Variants in DIAPH3 observed in about 807,000 individuals in gnomAD.
The protein encoded by DIAPH3 is diaphanous related formin 3.
In DIAPH3, 117 loss-of-function variants were observed where a neutral mutation model predicts 144.3. The observed-to-expected ratio is 0.81, with a 90% confidence interval of 0.70 to 0.95. DIAPH3 has a LOEUF of 0.95. Among genes scored for constraint, DIAPH3 ranks in the 40% least tolerant of loss-of-function variants. DIAPH3 has a pLI of 0.00. For synonymous variants in DIAPH3, 519 were observed against 488.9 expected (o/e 1.06, Z -0.81); for missense variants, 1,421 against 1,412.7 (o/e 1.01, Z -0.09).
chr13:59,738,350 G>C (rs565842069), intron 27 of DIAPH3, among the ~76,000 whole-genome samples: 4 of 152,092 alleles, frequency 2.6e-5, no homozygotes, highest in African/African-American at 9.7e-5. Context: ...TGGGGAATGA[G>C]TGGGATCAGG....
chr13:59,783,535 A>G (rs1184547472), intron 25 of DIAPH3, among the ~76,000 whole-genome samples: 1 of 152,248 alleles, frequency 6.6e-6, no homozygotes, highest in Non-Finnish European at 1.5e-5. Flanking sequence ...ACTTAGAAGC[A>G]TAGGTCGTAC....
intron 25 of DIAPH3, among the ~76,000 whole-genome samples, chr13:59,797,576 A>G (rs889063817): frequency 6.6e-6 from 1 of 152,200 alleles, no homozygotes; most frequent in Non-Finnish European, 1.5e-5. Context: ...CAATAACCAA[A>G]TACTGACTAC....
chr13:60,016,200 CATATT>C (rs1451753699), intron 5 of DIAPH3, 55 bp from the exon 6 acceptor site: 14 of 1,456,798 alleles, frequency 9.6e-6, no homozygotes, highest in African/African-American at 1.4e-5. Flanking sequence ...CTTGTGTTAT[CATATT>C]ATATACCTAC....
intron 27 of DIAPH3, among the ~76,000 whole-genome samples, chr13:59,757,113 A>C (rs567230059): frequency 6.6e-6 from 1 of 152,170 alleles, no homozygotes; most frequent in South Asian, 2.1e-4. Flanking sequence ...AATGCAAAAC[A>C]ATAAGACACC....
rs150162572 is a variant in DIAPH3, at chr13:59,940,791, G to A, written c.2075-15921C>T. 3.5e-4 allele frequency among the ~76,000 whole-genome samples: 53 copies of A among 152,232 alleles called. No individual in the cohort carries two copies. The East Asian group carries it at 7.7e-3, about 22-fold the overall frequency. On this transcript the variant is annotated intron_variant, in intron 17 of 27. Transcript: ENST00000400324. ...CCTGGCAAATGAAAATGAGGACTCT[G>A]GACTCTCATTCTTGTGCTGATGCCA...
intron 22 of DIAPH3, among the ~76,000 whole-genome samples, chr13:59,850,897 C>G (rs1433217043): frequency 6.8e-6 from 1 of 147,026 alleles, no homozygotes; most frequent in Non-Finnish European, 1.5e-5. Context: ...GTTTACCAAC[C>G]AAAAAGAGTC....
intron 2 of DIAPH3, among the ~76,000 whole-genome samples, chr13:60,117,847 GTTGT>G (rs1386258418): frequency 1.3e-5 from 2 of 152,052 alleles, no homozygotes; most frequent in Admixed American, 6.6e-5. Flanking sequence ...TTGGCTGGGG[GTTGT>G]TTATGTGTGT....
chr13:59,981,152 C>T (rs985733620), intron 13 of DIAPH3, among the ~76,000 whole-genome samples: 1 of 150,788 alleles, frequency 6.6e-6, no homozygotes, highest in Non-Finnish European at 1.5e-5. Context: ...CCAACTCGTA[C>T]ATATTTTAAA....
At chr13:60,140,412 C>T (rs1243022999) in intron 1 of DIAPH3, among the ~76,000 whole-genome samples, 1 of 152,110 alleles carries the variant, frequency 6.6e-6, no homozygotes, top group African/African-American at 2.4e-5. Flanking sequence ...ATAGCTAGAA[C>T]TGTAATCAGC....
chr13:60,023,170 A>T (rs541698396), intron 5 of DIAPH3, among the ~76,000 whole-genome samples: 4 of 152,178 alleles, frequency 2.6e-5, no homozygotes, highest in Non-Finnish European at 4.4e-5. Flanking sequence ...AATCACCTGC[A>T]CCTGAAGATC....
intron 22 of DIAPH3, among the ~76,000 whole-genome samples, chr13:59,856,441 G>A (rs2043257704): frequency 6.6e-6 from 1 of 152,114 alleles, no homozygotes; most frequent in Non-Finnish European, 1.5e-5. Flanking sequence ...CAAGGTGTTG[G>A]CAGAGTTGGT....
intron 2 of DIAPH3, among the ~76,000 whole-genome samples, chr13:60,119,012 T>C (rs2874873): frequency 0.64 from 96,780 of 152,054 alleles, 31,294 homozygotes; most frequent in Admixed American, 0.72. Flanking sequence ...CCAACTAAAA[T>C]GTAAGTGCCA....
chr13:60,094,996 T>C (rs910736126), intron 3 of DIAPH3, among the ~76,000 whole-genome samples: 4 of 152,038 alleles, frequency 2.6e-5, no homozygotes, highest in African/African-American at 9.7e-5. Context: ...TAATATGACA[T>C]AGGAAGCATT....
At chr13:60,075,976 G>A (rs1475134429) in intron 4 of DIAPH3, among the ~76,000 whole-genome samples, 2 of 152,204 alleles carry the variant, frequency 1.3e-5, no homozygotes, top group Non-Finnish European at 2.9e-5. Context: ...TGTCCCTATT[G>A]GGGGTCACTG....
intron 24 of DIAPH3, among the ~76,000 whole-genome samples, chr13:59,812,266 ATCCATCCAT>A: frequency 6.6e-6 from 1 of 151,046 alleles, no homozygotes; most frequent in Non-Finnish European, 1.5e-5. Context: ...CCATCCATCC[ATCCATCCAT>A]CCATCCATCC....
intron 20 of DIAPH3, among the ~76,000 whole-genome samples, chr13:59,883,080 A>G (rs2045191314): frequency 6.6e-6 from 1 of 152,204 alleles, no homozygotes; most frequent in Non-Finnish European, 1.5e-5. Context: ...AAAGACCTTT[A>G]GAAAAATCAA....
chr13:59,716,277 G>A (rs968012207), intron 27 of DIAPH3, among the ~76,000 whole-genome samples: 2 of 152,102 alleles, frequency 1.3e-5, no homozygotes, highest in Admixed American at 6.5e-5. Flanking sequence ...CCGGGTTCAC[G>A]CCATTCTCCT....
intron 27 of DIAPH3, among the ~76,000 whole-genome samples, chr13:59,670,245 TG>T (rs1296601145): frequency 1.3e-5 from 2 of 152,128 alleles, no homozygotes; most frequent in East Asian, 3.9e-4. Flanking sequence ...GACAAGACAG[TG>T]TAAAAAGGAA....
chr13:59,879,704 T>C lies in DIAPH3; in HGVS notation c.2368-236A>G, dbSNP rs73196154. On this transcript the variant is annotated intron_variant, in intron 20 of 27. Coordinates refer to ENST00000400324, the MANE Select transcript of DIAPH3 (RefSeq NM_001042517.2). The stretch of plus-strand genomic sequence containing the variant: ...TGCTCAATGAAAAGAAAGCTTTAAT[T>C]AAATGATAATGTTTAATTAAGCAAT... 0.058 allele frequency among the ~76,000 whole-genome samples: 8,807 copies of C among 152,156 alleles called. 304 individuals are homozygous for C. Among genetic ancestry groups the C allele is most frequent in the Admixed American group, 0.1 (1,544 of 15,272 alleles).
Sources: gnomAD v4.1 joint callset for allele counts (sites outside exome capture counted in the v4.1 genomes callset) on GRCh38, gnomAD v4.1.1 for gene constraint, MANE v1.5 for transcripts, NCBI Gene and HGNC (gene_info 2026-07-23, HGNC 2026-07-21) for gene names.